Variants in ZC3H6 observed in about 807,000 individuals in gnomAD.
The protein encoded by ZC3H6 is zinc finger CCCH domain-containing protein 6.
Under a neutral mutation model 107.7 loss-of-function variants are expected in ZC3H6, and 40 were observed. That is an observed-to-expected ratio of 0.37 (90% CI 0.29 to 0.48). The LOEUF (loss-of-function observed/expected upper bound fraction) is 0.48. Ranked by LOEUF, ZC3H6 falls within the 20% of genes least tolerant of loss-of-function variation. The pLI is 0.98. For missense variants in ZC3H6, 1,267 were observed against 1,410.4 expected (o/e 0.90, Z 1.63); for synonymous variants, 493 against 487.9 (o/e 1.01, Z -0.14).
intron 1 of ZC3H6, among the ~76,000 whole-genome samples, chr2:112,287,295 A>G (rs534826592): frequency 6.6e-6 from 1 of 152,294 alleles, no homozygotes; most frequent in East Asian, 1.9e-4. Flanking sequence ...ATTCTAGCTT[A>G]GATACCCAAG....
At chr2:112,330,857 A>G (rs912670070) in intron 11 of ZC3H6, 148 bp from the exon 12 acceptor site, 2 of 273,730 alleles carry the variant, frequency 7.3e-6, no homozygotes, top group Non-Finnish European at 1.2e-5. Context: ...TACTTATTTC[A>G]GAAATAGTAT....
rs1270244770 is a variant in ZC3H6 at position 112,332,520 on chromosome 2, T to C, written c.*32T>C. 1 of 1,568,974 alleles carries C rather than the reference T, an allele frequency of 6.4e-7. No homozygotes were observed. The highest frequency in any genetic ancestry group is 8.6e-7 in the Non-Finnish European group (1 of 1,159,030). ...TGTAACTGAGCAATTCTTTTCACTC[T>C]TGTGACTATCTCAGTCCTCTGCTGT... On this transcript the variant is annotated 3_prime_UTR_variant, in exon 12 of 12. Coordinates refer to ENST00000409871, the MANE Select transcript of ZC3H6 (RefSeq NM_198581.3).
chr2:112,322,594 T>G, intron 8 of ZC3H6, 55 bp from the exon 9 acceptor site: 1 of 1,533,070 alleles, frequency 6.5e-7, no homozygotes, highest in Non-Finnish European at 8.7e-7. Flanking sequence ...CTTCTAGTTT[T>G]AAATGTGAGG....
chr2:112,312,402 T>A (rs1475883704), intron 5 of ZC3H6, among the ~76,000 whole-genome samples: 1 of 152,196 alleles, frequency 6.6e-6, no homozygotes, highest in African/African-American at 2.4e-5. Context: ...CTTATGTATG[T>A]TACATGTTGT....
At chr2:112,298,936 G>GT (rs1483790846) in intron 1 of ZC3H6, among the ~76,000 whole-genome samples, 1 of 152,054 alleles carries the variant, frequency 6.6e-6, no homozygotes, top group Non-Finnish European at 1.5e-5. Flanking sequence ...CCACATGCCT[G>GT]TATTATCTAT....
At chr2:112,326,056 T>C (rs1676901657) in intron 11 of ZC3H6, among the ~76,000 whole-genome samples, 2 of 151,918 alleles carry the variant, frequency 1.3e-5, no homozygotes, top group South Asian at 4.1e-4. Context: ...AAAATATATA[T>C]ATTTATAATT....
At chr2:112,304,280 CA>C (rs1261752650) in intron 3 of ZC3H6, among the ~76,000 whole-genome samples, 2 of 152,044 alleles carry the variant, frequency 1.3e-5, no homozygotes, top group African/African-American at 2.4e-5. Context: ...AATCTTTGAA[CA>C]AAAGAATACA....
intron 1 of ZC3H6, among the ~76,000 whole-genome samples, chr2:112,288,467 T>TA (rs1686652078): frequency 6.6e-6 from 1 of 152,216 alleles, no homozygotes; most frequent in African/African-American, 2.4e-5. Flanking sequence ...TCTCAATCCT[T>TA]AAACAACTCT....
chr2:112,308,404 T>TTTTTTTTATTTATTTA (rs1553493701), intron 3 of ZC3H6, among the ~76,000 whole-genome samples: 74 of 138,310 alleles, frequency 5.4e-4, no homozygotes, highest in African/African-American at 1.7e-3. Flanking sequence ...TTTTATTTTA[T>TTTTTTTTATTTATTTA]TTTATTTATT....
chr2:112,303,708 T>A (rs548144505), intron 3 of ZC3H6, among the ~76,000 whole-genome samples: 1 of 152,346 alleles, frequency 6.6e-6, no homozygotes, highest in East Asian at 1.9e-4. Flanking sequence ...AGCTGTAGCA[T>A]GTGTCAGAAT....
intron 10 of ZC3H6, 133 bp from the exon 11 acceptor site, chr2:112,324,831 G>C: frequency 1.8e-6 from 2 of 1,128,726 alleles, no homozygotes; most frequent in Non-Finnish European, 2.5e-6. Context: ...TAGAATTTTA[G>C]ATAACTTTTA....
At position 112,332,136 on chromosome 2, in the gene ZC3H6, A is replaced by C; in HGVS notation, c.3218A>C (p.Asn1073Thr). The C allele has an allele frequency of 6.2e-7, 1 of 1,613,928 alleles. No individual in the cohort carries two copies. ...GCTTCTTCAGGAGAAAACTCAAAGA[A>C]CCAGAAAAAAAGTGGTGGCTTAAAA... ...ATASSGENSK[N>T]QKKSGGLKSS... Residue 1073 changes from asparagine (N) to threonine (T), a missense_variant, in exon 12 of 12, where the codon AAC becomes ACC. Coordinates refer to ENST00000409871, the MANE Select transcript of ZC3H6 (RefSeq NM_198581.3).
At chr2:112,291,000 AAAAAGT>A (rs1452080643) in intron 1 of ZC3H6, among the ~76,000 whole-genome samples, 1 of 152,200 alleles carries the variant, frequency 6.6e-6, no homozygotes, top group Non-Finnish European at 1.5e-5. Context: ...CTCCCAGAAA[AAAAAGT>A]GTGCTTTTCT....
chr2:112,301,634 T>G (rs956216162), intron 2 of ZC3H6, among the ~76,000 whole-genome samples: 1 of 152,042 alleles, frequency 6.6e-6, no homozygotes, highest in African/African-American at 2.4e-5. Context: ...AAAGAAAGCA[T>G]GCCCACAAAG....
rs1412511670 is a variant in ZC3H6, at chr2:112,304,594, A to C, written c.336+1243A>C. Among the ~76,000 whole-genome samples, 3 of 152,216 alleles carry C rather than the reference A, an allele frequency of 2.0e-5. No homozygotes were observed. The East Asian group carries it at 5.8e-4, about 29-fold the overall frequency. ...AGGGACATCAGTCAAACTGGATTAG[A>C]GCCCACTTTAACAGCCTCATTCTAA... is the stretch of plus-strand genomic sequence containing the variant. On this transcript the variant is annotated intron_variant, in intron 3 of 11. Coordinates refer to ENST00000409871, the MANE Select transcript of ZC3H6 (RefSeq NM_198581.3).
At chr2:112,312,021 A>G (rs780811663) in intron 5 of ZC3H6, 84 bp downstream of exon 5, 10 of 1,359,570 alleles carry the variant, frequency 7.4e-6, no homozygotes, top group East Asian at 2.4e-5. Context: ...TGTGATTTTA[A>G]TGATACTTCT....
At chr2:112,312,160 G>T (rs1046422100) in intron 5 of ZC3H6, 7 of 444,510 alleles carry the variant, frequency 1.6e-5, no homozygotes, top group Non-Finnish European at 2.7e-5. Context: ...ATGTTTGAAA[G>T]AACCTCAAAA....
Position 112,332,109 on chromosome 2 carries a change from C to T in ZC3H6, c.3191C>T (p.Thr1064Ile), listed in dbSNP as rs373999994. The change falls in exon 12 of 12, where the codon ACA becomes ATA. Residue 1064 changes from threonine to isoleucine, a missense_variant. By Grantham distance (89) the Thr-to-Ile change is moderately conservative (BLOSUM62 -1). Transcript: ENST00000409871. ...HGSSSTSELA[T>I]ASSGENSKNQ... ...TCATCATCCACATCAGAGCTAGCAA[C>T]AGCTTCTTCAGGAGAAAACTCAAAG... 2.6e-5 allele frequency: 42 copies of T among 1,613,984 alleles called. No homozygotes were observed. Among genetic ancestry groups the T allele is most frequent in the Non-Finnish European group, 3.5e-5 (41 of 1,179,896 alleles).
chr2:112,320,057 C>T (rs1672190595), intron 7 of ZC3H6, among the ~76,000 whole-genome samples: 1 of 152,082 alleles, frequency 6.6e-6, no homozygotes, highest in African/African-American at 2.4e-5. Context: ...CTCAGCCTCC[C>T]GAGTAGCTGG....
Sources: allele counts gnomAD v4.1 joint callset (sites outside exome capture counted in the v4.1 genomes callset), GRCh38; gene constraint gnomAD v4.1.1; transcripts MANE v1.5; gene names NCBI Gene and HGNC (gene_info 2026-07-23, HGNC 2026-07-21).